Variants in FOXP2 observed in about 807,000 individuals in gnomAD.
FOXP2 encodes the protein forkhead box P2.
A neutral mutation model predicts 115.8 loss-of-function variants in FOXP2; 12 were observed. The ratio of observed to expected loss-of-function variants is 0.10; its 90% CI spans 0.07 to 0.17. The LOEUF (loss-of-function observed/expected upper bound fraction) is 0.17, where lower values mean the gene tolerates loss of function less well. Ranked by LOEUF, FOXP2 falls within the 10% of genes least tolerant of loss-of-function variation. The pLI is 1.00. For missense variants in FOXP2, 629 were observed against 843.5 expected (o/e 0.75, Z 3.15); for synonymous variants, 328 against 297.7 (o/e 1.10, Z -1.05).
At chr7:114,206,603 CT>C (rs1323077183) in intron 1 of FOXP2, among the ~76,000 whole-genome samples, 1 of 152,114 alleles carries the variant, frequency 6.6e-6, no homozygotes, top group Non-Finnish European at 1.5e-5. Context: ...TTATTACAAA[CT>C]GTAATTATCT....
chr7:114,687,980 A>G (rs1289982377), intron 16 of FOXP2, among the ~76,000 whole-genome samples: 1 of 152,112 alleles, frequency 6.6e-6, no homozygotes, highest in Admixed American at 6.6e-5. Flanking sequence ...CTAAGAAGAC[A>G]CACACACATA....
chr7:114,641,591 AT>A (rs1316533171), intron 6 of FOXP2, among the ~76,000 whole-genome samples: 1 of 151,626 alleles, frequency 6.6e-6, no homozygotes, highest in Non-Finnish European at 1.5e-5. Context: ...CAAATCTCCT[AT>A]TTTTTTGAGT....
At chr7:114,552,551 C>T (rs906730341) in intron 3 of FOXP2, among the ~76,000 whole-genome samples, 1 of 152,062 alleles carries the variant, frequency 6.6e-6, no homozygotes, top group African/African-American at 2.4e-5. Flanking sequence ...TAGTTTTCCC[C>T]TTATCAGCAA....
chr7:114,354,099 C>T (rs535268943), intron 2 of FOXP2, among the ~76,000 whole-genome samples: 9 of 152,134 alleles, frequency 5.9e-5, no homozygotes, highest in East Asian at 3.9e-4. Flanking sequence ...CTTTGATTGC[C>T]GGAATAAAAT....
At chr7:114,141,084 T>C (rs920209107) in intron 1 of FOXP2, among the ~76,000 whole-genome samples, 3 of 152,134 alleles carry the variant, frequency 2.0e-5, no homozygotes, top group African/African-American at 7.2e-5. Flanking sequence ...AGGGGCCCAA[T>C]AAATCATCTT....
At chr7:114,593,018 A>G (rs1447539830) in intron 3 of FOXP2, among the ~76,000 whole-genome samples, 1 of 151,972 alleles carries the variant, frequency 6.6e-6, no homozygotes, top group Non-Finnish European at 1.5e-5. Flanking sequence ...CTTGGCTTCT[A>G]TATCAATAAA....
intron 1 of FOXP2, among the ~76,000 whole-genome samples, chr7:114,274,687 T>C (rs1796144304): frequency 7.3e-6 from 1 of 136,424 alleles, no homozygotes; most frequent in Admixed American, 8.4e-5. Context: ...CGATCTCGGC[T>C]CAAGGCAGCC....
chr7:114,692,498 C>T lies in FOXP2; in HGVS notation c.*2572C>T, dbSNP rs1227097657. 2.4e-5 allele frequency: 11 copies of T among 453,586 alleles called. No individual in the cohort carries two copies. Among genetic ancestry groups the T allele is most frequent in the Admixed American group, 4.7e-5 (2 of 42,492 alleles). 28.1% of individuals were successfully genotyped at this position (453,586 alleles called of 1,614,324 possible). On this transcript the variant is annotated 3_prime_UTR_variant, in exon 17 of 17. Coordinates refer to ENST00000350908, the MANE Select transcript of FOXP2 (RefSeq NM_014491.4). ...ATATTATGTAAAAATGTTGGTGGACCCATAAATGACCAGACTTTTTCTAAG... is the reference window on the plus strand; with the variant it reads ...ATATTATGTAAAAATGTTGGTGGACTCATAAATGACCAGACTTTTTCTAAG...
At chr7:114,237,312 G>C (rs923324134) in intron 1 of FOXP2, among the ~76,000 whole-genome samples, 15 of 152,102 alleles carry the variant, frequency 9.9e-5, no homozygotes, top group Non-Finnish European at 1.9e-4. Flanking sequence ...GAAGTCAGAG[G>C]CTTGTTTAAT....
At chr7:114,218,011 G>C (rs960156439) in intron 1 of FOXP2, among the ~76,000 whole-genome samples, 3 of 152,098 alleles carry the variant, frequency 2.0e-5, no homozygotes, top group African/African-American at 7.2e-5. Flanking sequence ...CAGCTTTTAT[G>C]ATTTTAAGAT....
intron 2 of FOXP2, among the ~76,000 whole-genome samples, chr7:114,383,668 G>T (rs972379560): frequency 6.6e-6 from 1 of 151,652 alleles, no homozygotes; most frequent in Non-Finnish European, 1.5e-5. Flanking sequence ...AGAGGATATC[G>T]TGGCCAGGCG....
intron 6 of FOXP2, among the ~76,000 whole-genome samples, chr7:114,634,419 T>C (rs781713805): frequency 6.6e-6 from 1 of 152,038 alleles, no homozygotes; most frequent in South Asian, 2.1e-4. Context: ...ATAATAAAAT[T>C]ATAAGAATTT....
chr7:114,602,784 T>C (rs1391360981), intron 3 of FOXP2, among the ~76,000 whole-genome samples: 1 of 152,204 alleles, frequency 6.6e-6, no homozygotes, highest in East Asian at 1.9e-4. Context: ...TTATTTTACC[T>C]ATTTTAATCA....
intron 3 of FOXP2, chr7:114,570,940 C>A: frequency 7.2e-7 from 1 of 1,390,558 alleles, no homozygotes; most frequent in Non-Finnish European, 1.0e-6. Flanking sequence ...TGGACCCAGT[C>A]CCACTAAATA....
chr7:114,364,598 T>A (rs891746691), intron 2 of FOXP2, among the ~76,000 whole-genome samples: 5 of 152,244 alleles, frequency 3.3e-5, no homozygotes, highest in East Asian at 1.9e-4. Context: ...TTTCTTCCTT[T>A]AAAATTTATT....
chr7:114,409,230 A>G (rs1319737325), intron 2 of FOXP2, among the ~76,000 whole-genome samples: 1 of 152,144 alleles, frequency 6.6e-6, no homozygotes, highest in Non-Finnish European at 1.5e-5. Flanking sequence ...AAAATTTCTC[A>G]TTTGAAATCT....
At chr7:114,498,990 C>T in intron 2 of FOXP2, 1 of 715,918 alleles carries the variant, frequency 1.4e-6, no homozygotes, top group Non-Finnish European at 2.6e-6. Flanking sequence ...GGACCAGCAG[C>T]AACAGCATCA....
chr7:114,305,510 A>C (rs1796991770), intron 2 of FOXP2, among the ~76,000 whole-genome samples: 1 of 152,174 alleles, frequency 6.6e-6, no homozygotes, highest in Admixed American at 6.6e-5. Flanking sequence ...TTTGAGAGCT[A>C]TCTTAAATGA....
At chr7:114,587,377 T>C (rs1208385908) in intron 3 of FOXP2, among the ~76,000 whole-genome samples, 1 of 152,130 alleles carries the variant, frequency 6.6e-6, no homozygotes, top group Non-Finnish European at 1.5e-5. Flanking sequence ...TCTGTTCCTA[T>C]GTTAGTTTGC....
Sources: gnomAD v4.1 joint callset for allele counts (sites outside exome capture counted in the v4.1 genomes callset) on GRCh38, gnomAD v4.1.1 for gene constraint, MANE v1.5 for transcripts, NCBI Gene and HGNC (gene_info 2026-07-23, HGNC 2026-07-21) for gene names.